Variants in CCSER1 observed in about 807,000 individuals in gnomAD.
CCSER1 encodes serine-rich coiled-coil domain-containing protein 1.
In CCSER1, 41 loss-of-function variants were observed where a neutral mutation model predicts 82.0. The ratio of observed to expected loss-of-function variants is 0.50; its 90% confidence interval spans 0.39 to 0.65. The LOEUF is 0.65. Among genes scored for constraint, CCSER1 ranks in the 30% least tolerant of loss-of-function variants. The pLI, the probability that CCSER1 is intolerant of heterozygous loss-of-function variation, is 0.00. For missense variants in CCSER1, 1,119 were observed against 1,064.2 expected (o/e 1.05, Z -0.72); for synonymous variants, 414 against 383.9 (o/e 1.08, Z -0.92).
intron 1 of CCSER1, among the ~76,000 whole-genome samples, chr4:90,234,397 A>C (rs1333295316): frequency 6.6e-6 from 1 of 152,066 alleles, no homozygotes. Context: ...TTGTATTTTT[A>C]GTAGAGATGA....
intron 8 of CCSER1, among the ~76,000 whole-genome samples, chr4:90,883,466 A>G (rs982175384): frequency 6.6e-6 from 1 of 152,096 alleles, no homozygotes; most frequent in Admixed American, 6.6e-5. Context: ...ATATGGAGTA[A>G]AAAAGAAATT....
intron 6 of CCSER1, among the ~76,000 whole-genome samples, chr4:90,633,931 A>C (rs1245676688): frequency 6.6e-6 from 1 of 151,828 alleles, no homozygotes; most frequent in East Asian, 1.9e-4. Context: ...TTTTAGAAAA[A>C]TGACCGATGT....
chr4:91,558,195 A>G (rs980729140), intron 10 of CCSER1, among the ~76,000 whole-genome samples: 4 of 151,468 alleles, frequency 2.6e-5, no homozygotes, highest in African/African-American at 7.3e-5. Flanking sequence ...TGTCTTATCC[A>G]AAGGATATAT....
intron 9 of CCSER1, among the ~76,000 whole-genome samples, chr4:91,079,983 C>T (rs1326356978): frequency 6.6e-6 from 1 of 152,120 alleles, no homozygotes; most frequent in Non-Finnish European, 1.5e-5. Context: ...CTTTAACAAC[C>T]CCCTGTCAAC....
chr4:90,724,283 T>G (rs927800133), intron 7 of CCSER1, among the ~76,000 whole-genome samples: 2 of 151,908 alleles, frequency 1.3e-5, no homozygotes, highest in African/African-American at 4.8e-5. Flanking sequence ...AATATTTTGT[T>G]TATAGTAATT....
chr4:90,481,271 C>T (rs891054633), intron 5 of CCSER1, among the ~76,000 whole-genome samples: 8 of 152,160 alleles, frequency 5.3e-5, no homozygotes, highest in Admixed American at 5.2e-4. Context: ...AGATTTTGGG[C>T]TGAGACAATG....
rs1746776483 is a variant in CCSER1 at position 91,329,193 on chromosome 4, T to G, written c.2217+243199T>G. On this transcript the variant is annotated intron_variant, in intron 10 of 10. Transcript: ENST00000509176. ...ACAAAAAGAGTAGTTAAAATATCTGTGAAAAATAATACACTGAAATGTAAA... is the reference window on the plus strand; with the variant it reads ...ACAAAAAGAGTAGTTAAAATATCTGGGAAAAATAATACACTGAAATGTAAA... Among the ~76,000 whole-genome samples the G allele has an allele frequency of 2.7e-5, 4 of 148,880 alleles. No homozygotes were observed. The South Asian group carries it at 8.7e-4, about 32-fold the overall frequency.
chr4:91,070,077 C>T (rs1003547660), intron 9 of CCSER1, among the ~76,000 whole-genome samples: 3 of 151,880 alleles, frequency 2.0e-5, no homozygotes, highest in South Asian at 2.1e-4. Flanking sequence ...CTCCGCCTCC[C>T]GAGTTCATGC....
intron 9 of CCSER1, among the ~76,000 whole-genome samples, chr4:91,012,869 G>A (rs1324353021): frequency 7.5e-6 from 1 of 133,762 alleles, no homozygotes; most frequent in South Asian, 2.4e-4. Context: ...GACTGTAGGC[G>A]TCCAAGGTGT....
chr4:90,590,332 C>A (rs148791548), intron 5 of CCSER1, among the ~76,000 whole-genome samples: 3,933 of 152,096 alleles, frequency 0.026, 143 homozygotes, highest in African/African-American at 0.079. Context: ...GTAATCCCAG[C>A]ACTTTGGGAG....
chr4:90,271,842 ATATATATATATATATATATAT>A (rs1368737383), intron 1 of CCSER1, among the ~76,000 whole-genome samples: 1,293 of 32,304 alleles, frequency 0.04, 116 homozygotes, highest in African/African-American at 0.1. Flanking sequence ...ATATATATAT[ATATATATATATATATATATAT>A]TTTTTTTTTT....
intron 6 of CCSER1, among the ~76,000 whole-genome samples, chr4:90,635,976 G>T (rs889082950): frequency 2.6e-5 from 4 of 151,274 alleles, no homozygotes; most frequent in African/African-American, 9.7e-5. Flanking sequence ...ACATAATAAA[G>T]AACAAAACTC....
intron 10 of CCSER1, among the ~76,000 whole-genome samples, chr4:91,500,633 A>G (rs1225149087): frequency 2.0e-5 from 3 of 152,050 alleles, no homozygotes; most frequent in African/African-American, 7.2e-5. Flanking sequence ...AGGCTCTGAA[A>G]TTCAGAATAA....
At chr4:91,183,442 A>C (rs192701065) in intron 10 of CCSER1, among the ~76,000 whole-genome samples, 2 of 152,238 alleles carry the variant, frequency 1.3e-5, no homozygotes, top group Admixed American at 6.5e-5. Flanking sequence ...GAATCCAATT[A>C]GTTAATTTCA....
intron 6 of CCSER1, among the ~76,000 whole-genome samples, chr4:90,646,370 T>G (rs1206684246): frequency 2.6e-5 from 4 of 152,140 alleles, no homozygotes; most frequent in African/African-American, 9.7e-5. Context: ...TGCCTATATG[T>G]TCATTGGGTT....
intron 8 of CCSER1, among the ~76,000 whole-genome samples, chr4:90,891,850 A>G (rs1368445784): frequency 6.6e-6 from 1 of 152,080 alleles, no homozygotes; most frequent in African/African-American, 2.4e-5. Flanking sequence ...ACTGCTCTAA[A>G]GTTTTACTGT....
intron 10 of CCSER1, among the ~76,000 whole-genome samples, chr4:91,196,366 A>G (rs1010979763): frequency 2.6e-5 from 4 of 152,178 alleles, no homozygotes; most frequent in African/African-American, 9.7e-5. Context: ...GATGTATTCA[A>G]TAAGGAAGAG....
chr4:91,473,512 C>G (rs1013113237), intron 10 of CCSER1, among the ~76,000 whole-genome samples: 2 of 152,026 alleles, frequency 1.3e-5, no homozygotes, highest in African/African-American at 4.8e-5. Context: ...TAGAAGGACC[C>G]TGGAAGAACA....
At chr4:91,593,051 C>T (rs1227783213) in intron 10 of CCSER1, among the ~76,000 whole-genome samples, 2 of 143,594 alleles carry the variant, frequency 1.4e-5, no homozygotes, top group African/African-American at 3.0e-5. Flanking sequence ...GTATTTCTCC[C>T]CTCCCCCATA....
Sources: allele counts gnomAD v4.1 joint callset (sites outside exome capture counted in the v4.1 genomes callset), GRCh38; gene constraint gnomAD v4.1.1; transcripts MANE v1.5; gene names NCBI Gene and HGNC (gene_info 2026-07-23, HGNC 2026-07-21).